TECPR1: variants seen among roughly 807,000 people sequenced by gnomAD.
TECPR1 encodes the protein tectonin beta-propeller repeat containing 1.
Under a neutral mutation model 162.4 loss-of-function variants are expected in TECPR1, and 122 were observed. That is an observed-to-expected ratio of 0.75 (90% CI 0.65 to 0.87). The LOEUF is 0.87. Among genes scored for constraint, TECPR1 ranks in the 40% least tolerant of loss-of-function variants. The probability of loss-of-function intolerance (pLI) is 0.00; values close to 1 mark genes in which losing one functional copy is unlikely to be tolerated. For synonymous variants in TECPR1, 642 were observed against 670.6 expected, an observed-to-expected ratio of 0.96 and a Z score of 0.66; for missense variants, 1,432 against 1,618.2, an observed-to-expected ratio of 0.88 and a Z score of 1.97.
chr7:98,221,053 G>A (rs2116531947), intron 23 of TECPR1, among the ~76,000 whole-genome samples: 1 of 149,854 alleles, frequency 6.7e-6, no homozygotes. Context: ...TGTAATCCCA[G>A]CACTTTGGGA....
chr7:98,246,666 T>C (rs1182223570), intron 2 of TECPR1, among the ~76,000 whole-genome samples: 3 of 152,100 alleles, frequency 2.0e-5, no homozygotes, highest in Admixed American at 1.3e-4. Flanking sequence ...CTTGGCTCAC[T>C]GCAACCTCCA....
intron 2 of TECPR1, among the ~76,000 whole-genome samples, chr7:98,249,871 T>A (rs945514470): frequency 6.7e-6 from 1 of 150,142 alleles, no homozygotes; most frequent in Non-Finnish European, 1.5e-5. Context: ...TGAGCCAAGA[T>A]CGTGTCACCA....
At chr7:98,234,433 C>T (rs917605217) in intron 10 of TECPR1, among the ~76,000 whole-genome samples, 21 of 152,154 alleles carry the variant, frequency 1.4e-4, no homozygotes, top group Non-Finnish European at 2.8e-4. Context: ...GGATTACAGG[C>T]GTGAGCCACC....
Position 98,223,721 on chromosome 7 carries a change from G to GC in TECPR1, c.2691-4dup. ...TCGTTTTGGACCCATGGTATGAGCT[G>GC]CAAGGAGGAAGAAGATGAAATCAGG... On this transcript the variant is annotated splice_region_variant and splice_polypyrimidine_tract_variant and intron_variant, in intron 19 of 25. Transcript: ENST00000447648. 1 of 1,613,712 alleles carries GC rather than the reference G, an allele frequency of 6.2e-7. No homozygotes were observed.
At chr7:98,218,319 T>C (rs1273018860) in intron 23 of TECPR1, among the ~76,000 whole-genome samples, 3 of 152,212 alleles carry the variant, frequency 2.0e-5, no homozygotes, top group African/African-American at 7.2e-5. Flanking sequence ...GCCGGCCTCC[T>C]GATCCTCTTT....
At chr7:98,242,678 T>A (rs1045338590) in intron 6 of TECPR1, among the ~76,000 whole-genome samples, 2 of 115,178 alleles carry the variant, frequency 1.7e-5, no homozygotes, top group African/African-American at 6.7e-5. Flanking sequence ...CATCTATCCA[T>A]ACACCCACTC....
In TECPR1 at chr7:98,227,008, TA is replaced by T. The variant is rs954205947; in HGVS notation, c.2513+1005del. Among the ~76,000 whole-genome samples the T allele has an allele frequency of 5.9e-4, 89 of 150,364 alleles. No individual in the cohort carries two copies. In the East Asian group the frequency reaches 9.7e-3, roughly 16 times the overall value. On this transcript the variant is annotated intron_variant, in intron 17 of 25. Transcript: ENST00000447648. The stretch of plus-strand genomic sequence containing the variant: ...ATTTCTTTAGACAGCCTCAAAAAGT[TA>T]AAAAAAAAATTTAAAACTTTGAATA...
At position 98,221,722 on chromosome 7, in the gene TECPR1, C is replaced by T. The variant is rs558591171; in HGVS notation, c.3096G>A (p.Pro1032=). Reference sequence around the variant, plus strand: ...CGGACACCTGCTTCAGCCTCTGTCTCGGTGGGGACGGGATGTGGTACCAGC... The same window carrying T: ...CGGACACCTGCTTCAGCCTCTGTCTTGGTGGGGACGGGATGTGGTACCAGC... The part of the protein sequence containing the change: ...GDCWYHIPSP[P]RQRLKQVSAG... Residue 1032 remains proline, a synonymous_variant, in exon 23 of 26, where the codon CCG becomes CCA. Transcript: ENST00000447648. The T allele has an allele frequency of 1.4e-5, 23 of 1,613,544 alleles. No homozygotes were observed. Among genetic ancestry groups the T allele is most frequent in the Admixed American group, 5.0e-5 (3 of 60,012 alleles).
chr7:98,242,515 C>T (rs188744514), intron 6 of TECPR1, among the ~76,000 whole-genome samples: 75 of 151,248 alleles, frequency 5.0e-4, no homozygotes, highest in African/African-American at 1.7e-3. Context: ...TCCATACACC[C>T]ACTCACCCAC....
chr7:98,217,993 G>A lies in TECPR1; in HGVS notation c.3207C>T (p.Ser1069=). ...CGTTGTTGGACACGTGCTCCCAGCTGGAGCCCTGCGGGTAGCTGGGCGTGA... is the reference window on the plus strand; with the variant it reads ...CGTTGTTGGACACGTGCTCCCAGCTAGAGCCCTGCGGGTAGCTGGGCGTGA... ...QGITPSYPQG[S]SWEHVSNNVC... Residue 1069 remains serine (S), a synonymous_variant, in exon 24 of 26, where the codon TCC becomes TCT. Transcript: ENST00000447648. 3 of 1,567,636 alleles carry A rather than the reference G, an allele frequency of 1.9e-6. No individual in the cohort carries two copies. The highest frequency in any genetic ancestry group is 1.7e-6 in the Non-Finnish European group (2 of 1,156,718).
intron 12 of TECPR1, 26 bp from the exon 13 acceptor site, chr7:98,231,985 C>T (rs1438991766): frequency 6.3e-7 from 1 of 1,579,102 alleles, no homozygotes. Context: ...CAGTGGACAC[C>T]ATCACAGGCA....
chr7:98,226,481 TG>T, intron 17 of TECPR1: 1 of 1,018,512 alleles, frequency 9.8e-7, no homozygotes, highest in Non-Finnish European at 1.2e-6. Context: ...TCCCTGTGCC[TG>T]GCCTTGTCTG....
chr7:98,222,467 C>T lies in TECPR1; in HGVS notation c.2983G>A (p.Gly995Arg), dbSNP rs765078269. The T allele has an allele frequency of 2.5e-6, 4 of 1,595,490 alleles. No individual in the cohort carries two copies. Among genetic ancestry groups the T allele is most frequent in the African/African-American group, 1.3e-5 (1 of 74,760 alleles). The stretch of plus-strand genomic sequence containing the variant: ...ACGGCCCACACCTGGTAGCAGGCCC[C>T]GATGGAGATGGAGGCGAAGGGCTGG... ...TDQPFASISI[G>R]ACYQVWAVAR... Residue 995 changes from glycine to arginine, a missense_variant, in exon 22 of 26, where the codon GGG becomes AGG. Physicochemically the swap from Gly to Arg is moderately radical, Grantham distance 125. Transcript: ENST00000447648.
chr7:98,215,520 G>C lies in TECPR1; in HGVS notation c.*1870C>G, dbSNP rs1177253113. ...AAAACACCAGGGCACGGACACTCCA[G>C]GGGAAATGCTTATTGAGTAAAGTAT... On this transcript the variant is annotated 3_prime_UTR_variant, in exon 26 of 26. Transcript: ENST00000447648. 1 of 152,248 alleles carries C rather than the reference G, an allele frequency of 6.6e-6. No individual in the cohort carries two copies. Among genetic ancestry groups the C allele is most frequent in the Non-Finnish European group, 1.5e-5 (1 of 68,044 alleles). 9.4% of individuals were successfully genotyped at this position (152,248 alleles called of 1,614,324 possible).
chr7:98,233,509 C>T lies in TECPR1; in HGVS notation c.1584G>A (p.Val528=). Residue 528 remains valine (V), a synonymous_variant, in exon 11 of 26, where the codon GTG becomes GTA. Coordinates refer to ENST00000447648, the MANE Select transcript of TECPR1 (RefSeq NM_015395.3). ...CCCAGGCCCACAGCGGGTGGTCATCCACCCCATACGGCTCCTCCAAGCCCA... is the reference window on the plus strand; with the variant it reads ...CCCAGGCCCACAGCGGGTGGTCATCTACCCCATACGGCTCCTCCAAGCCCA... The part of the protein sequence containing the change: ...LPLGLEEPYG[V]DDHPLWAWVS... 6.5e-7 allele frequency: 1 copy of T among 1,533,852 alleles called. No individual in the cohort carries two copies. Among genetic ancestry groups the T allele is most frequent in the South Asian group, 1.2e-5 (1 of 80,266 alleles).
intron 8 of TECPR1, among the ~76,000 whole-genome samples, chr7:98,240,033 C>T (rs753772700): frequency 1.6e-4 from 24 of 151,970 alleles, no homozygotes; most frequent in Non-Finnish European, 2.4e-4. Context: ...GGCGTGAACC[C>T]GGGAGGCGGA....
At chr7:98,236,997 A>G in intron 9 of TECPR1, 76 bp from the exon 10 acceptor site, 1 of 1,416,208 alleles carries the variant, frequency 7.1e-7, no homozygotes, top group Non-Finnish European at 9.3e-7. Context: ...GGGGTGCAAA[A>G]TGCAGGCAGG....
At chr7:98,218,169 A>C (rs1232014676) in intron 23 of TECPR1, 127 bp from the exon 24 acceptor site, 14 of 728,112 alleles carry the variant, frequency 1.9e-5, no homozygotes, top group Non-Finnish European at 3.2e-5. Flanking sequence ...CTGGGGAGGC[A>C]GGAGGGTCCT....
chr7:98,246,644 C>T (rs891025363), intron 2 of TECPR1, among the ~76,000 whole-genome samples: 4 of 151,730 alleles, frequency 2.6e-5, no homozygotes, highest in South Asian at 2.1e-4. Flanking sequence ...TGCAATGGCA[C>T]GATCTTGGGA....
Sources: gnomAD v4.1 joint callset for allele counts (sites outside exome capture counted in the v4.1 genomes callset) on GRCh38, gnomAD v4.1.1 for gene constraint, MANE v1.5 for transcripts, NCBI Gene and HGNC (gene_info 2026-07-23, HGNC 2026-07-21) for gene names.